The following LRPAP1 variants were observed in gnomAD, a reference collection of about 807,000 sequenced individuals.
LRPAP1 encodes the protein alpha-2-macroglobulin receptor-associated protein.
In LRPAP1, 41 loss-of-function variants were observed where a neutral mutation model predicts 39.9. That is an observed-to-expected ratio of 1.03 (90% CI 0.80 to 1.33). LRPAP1 has a LOEUF of 1.33. LRPAP1 is among the 40% of genes most tolerant of loss of function. The pLI, the probability that LRPAP1 is intolerant of heterozygous loss-of-function variation, is 0.00. For synonymous variants in LRPAP1, 263 were observed against 212.7 expected (o/e 1.24, Z -2.06); for missense variants, 565 against 482.3 (o/e 1.17, Z -1.61).
rs2108684405 is a variant in LRPAP1 at position 3,508,423 on chromosome 4, A to C, written c.*4551T>G. 6.6e-6 allele frequency: 1 copy of C among 152,324 alleles called. No individual in the cohort carries two copies. The highest frequency in any genetic ancestry group is 2.1e-4 in the South Asian group (1 of 4,810). The allele number at this position is 152,324 out of a possible 1,614,324, so 9.4% of individuals were successfully genotyped here. A position where few individuals can be genotyped will look rare whatever the true frequency, so the allele number is the denominator to read the frequency against. On this transcript the variant is annotated 3_prime_UTR_variant, in exon 8 of 8. Transcript: ENST00000650182. ...GAAACAAATAATGCCAATCCTATAC[A>C]AACTATGGCAGAACTTGTTTCAGGA...
intron 2 of LRPAP1, among the ~76,000 whole-genome samples, chr4:3,524,140 C>T (rs1171294385): frequency 6.6e-6 from 1 of 152,214 alleles, no homozygotes; most frequent in Non-Finnish European, 1.5e-5. Flanking sequence ...GGTGTGCGTC[C>T]TCTGCCCGCC....
chr4:3,511,449 G>A lies in LRPAP1; in HGVS notation c.*1525C>T, dbSNP rs751322928. 1.3e-5 allele frequency: 2 copies of A among 152,062 alleles called. No individual in the cohort carries two copies. The highest frequency in any genetic ancestry group is 2.9e-5 in the Non-Finnish European group (2 of 68,056). 9.4% of individuals were successfully genotyped at this position (152,062 alleles called of 1,614,324 possible). A position where few individuals can be genotyped will look rare whatever the true frequency, so the allele number is the denominator to read the frequency against. Reference sequence around the variant, plus strand: ...CTCACCAACACACTGAGTACCTTAAGGCTCTCAGGATAATGGGAAAAAAAA... The same window carrying A: ...CTCACCAACACACTGAGTACCTTAAAGCTCTCAGGATAATGGGAAAAAAAA... On this transcript the variant is annotated 3_prime_UTR_variant, in exon 8 of 8. Transcript: ENST00000650182.
Position 3,505,767 on chromosome 4 carries a change from C to G in LRPAP1, c.*7207G>C, listed in dbSNP as rs1729335724. ...ACCCCAAGACCGTCTATACCACCAC[C>G]CTGGATTACAACTCGGCAAGATGCT... On this transcript the variant is annotated 3_prime_UTR_variant, in exon 8 of 8. Transcript: ENST00000650182. Among the ~76,000 whole-genome samples, 1 of 152,250 alleles carries G rather than the reference C, an allele frequency of 6.6e-6. No individual in the cohort carries two copies.
At position 3,519,563 on chromosome 4, in the gene LRPAP1, G is replaced by C. The variant is rs1439609164; in HGVS notation, c.471+509C>G. Among the ~76,000 whole-genome samples, 3 of 152,332 alleles carry C rather than the reference G, an allele frequency of 2.0e-5. No homozygotes were observed. The East Asian group carries it at 5.8e-4, about 29-fold the overall frequency. On this transcript the variant is annotated intron_variant, in intron 3 of 7. Transcript: ENST00000650182. Reference sequence around the variant, plus strand: ...AATGTGATCCAGAGAAACTGTTCTGGAGCAGGAGCCGCTGGAAATGGGGGA... The same window carrying C: ...AATGTGATCCAGAGAAACTGTTCTGCAGCAGGAGCCGCTGGAAATGGGGGA...
At position 3,507,731 on chromosome 4, in the gene LRPAP1, A is replaced by G. The variant is rs1729395206; in HGVS notation, c.*5243T>C. ...AAAGGAAATTCATAAGAAAAGAGCAAAAGTCAATGAAAAAGAAAACAATAG... is the reference window on the plus strand; with the variant it reads ...AAAGGAAATTCATAAGAAAAGAGCAGAAGTCAATGAAAAAGAAAACAATAG... On this transcript the variant is annotated 3_prime_UTR_variant, in exon 8 of 8. Transcript: ENST00000650182. 6.6e-6 allele frequency: 1 copy of G among 151,612 alleles called. No homozygotes were observed. The highest frequency in any genetic ancestry group is 2.4e-5 in the African/African-American group (1 of 41,352). The allele number at this position is 151,612 out of a possible 1,614,324, so 9.4% of individuals were successfully genotyped here.
In LRPAP1 at chr4:3,510,274, T is replaced by A. The variant is rs992881581; in HGVS notation, c.*2700A>T. The stretch of plus-strand genomic sequence containing the variant: ...TAAAACCCCGTCTCTACAAAAAAAA[T>A]AAAAATAAAAAAAATAAAATCAGCC... On this transcript the variant is annotated 3_prime_UTR_variant, in exon 8 of 8. Transcript: ENST00000650182. 1.3e-5 allele frequency: 2 copies of A among 151,588 alleles called. No homozygotes were observed. The highest frequency in any genetic ancestry group is 1.9e-4 in the East Asian group (1 of 5,178). The allele number at this position is 151,588 out of a possible 1,614,324, so 9.4% of individuals were successfully genotyped here.
rs879549014 is a variant in LRPAP1, at chr4:3,513,207, C to G, written c.1012-171G>C. On this transcript the variant is annotated intron_variant, in intron 7 of 7. Coordinates refer to ENST00000650182, the MANE Select transcript of LRPAP1 (RefSeq NM_002337.4). ...AAATGCTCAAATCACAAAAGCAGCT[C>G]AGTACTAACTAGAAAATCCCACCAA... 1.6e-3 allele frequency among the ~76,000 whole-genome samples: 249 copies of G among 152,350 alleles called. 1 individual carries two copies. The highest frequency in any genetic ancestry group is 1.3e-3 in the Non-Finnish European group (88 of 68,036).
chr4:3,515,030 C>G (rs1404929859), intron 6 of LRPAP1, 102 bp from the exon 7 acceptor site: 9 of 1,351,940 alleles, frequency 6.7e-6, no homozygotes, highest in South Asian at 3.9e-5. Context: ...GGCGCCATAC[C>G]CGGGGCAGGA....
Position 3,520,108 on chromosome 4 carries a change from C to G in LRPAP1, c.435G>C (p.Gly145=), listed in dbSNP as rs147013302. ...SNSLSGTQED[G]LDDPRLEKLW... ...GCTTTTCCAGCCTGGGGTCATCCAG[C>G]CCGTCTTCCTGGGTGCCACTGAGGG... The change falls in exon 3 of 8, where the codon GGG becomes GGC. Residue 145 remains glycine (G), a synonymous_variant. Transcript: ENST00000650182. 1.2e-6 allele frequency: 2 copies of G among 1,614,180 alleles called. No individual in the cohort carries two copies. The highest frequency in any genetic ancestry group is 1.7e-5 in the Admixed American group (1 of 60,022).
At chr4:3,518,494 CCCT>C (rs1158292359) in intron 4 of LRPAP1, among the ~76,000 whole-genome samples, 3 of 152,200 alleles carry the variant, frequency 2.0e-5, no homozygotes, top group Admixed American at 1.3e-4. Context: ...TGCTGGGTCA[CCCT>C]CCATTTTACT....
intron 2 of LRPAP1, among the ~76,000 whole-genome samples, chr4:3,523,512 G>A (rs2237009): frequency 6.6e-6 from 1 of 152,022 alleles, no homozygotes; most frequent in Non-Finnish European, 1.5e-5. Context: ...CTGCCAATGG[G>A]AGAAGAGGGG....
intron 2 of LRPAP1, among the ~76,000 whole-genome samples, chr4:3,524,677 A>G (rs1730024394): frequency 6.6e-6 from 1 of 152,142 alleles, no homozygotes; most frequent in Non-Finnish European, 1.5e-5. Flanking sequence ...TAGCCCCCCC[A>G]AACACTGAAG....
intron 7 of LRPAP1, among the ~76,000 whole-genome samples, chr4:3,514,155 C>T (rs993917056): frequency 1.3e-5 from 2 of 152,268 alleles, no homozygotes; most frequent in African/African-American, 4.8e-5. Context: ...ACCCGCACCA[C>T]CCTCTCCTAT....
rs1422895012 is a variant in LRPAP1 at position 3,506,419 on chromosome 4, C to A, written c.*6555G>T. On this transcript the variant is annotated 3_prime_UTR_variant, in exon 8 of 8. Transcript: ENST00000650182. ...GCGAAGTCTTGCTCTTGTCCCCAGG[C>A]CGGAGTGCAATGGCGCGATCTCGGC... 6.6e-6 allele frequency: 1 copy of A among 151,066 alleles called. No individual in the cohort carries two copies. The highest frequency in any genetic ancestry group is 1.9e-4 in the East Asian group (1 of 5,150). 9.4% of individuals were successfully genotyped at this position (151,066 alleles called of 1,614,324 possible). A position where few individuals can be genotyped will look rare whatever the true frequency, so the allele number is the denominator to read the frequency against.
At chr4:3,516,059 T>G in intron 6 of LRPAP1, 57 bp downstream of exon 6, 1 of 1,503,520 alleles carries the variant, frequency 6.7e-7, no homozygotes, top group Admixed American at 2.0e-5. Flanking sequence ...ACCCGGAAAC[T>G]GCAAGAGAAT....
Position 3,518,051 on chromosome 4 carries a change from C to A in LRPAP1, c.734G>T (p.Gly245Val). The A allele has an allele frequency of 1.9e-6, 3 of 1,610,492 alleles. No homozygotes were observed. The highest frequency in any genetic ancestry group is 2.5e-6 in the Non-Finnish European group (3 of 1,179,432). ...GCACTCACCAGCCTCAGTGCTGTAG[C>A]CCTGGTGGCTGACCCTGCGCAGGCG... ...LDRLRRVSHQ[G>V]YSTEAEFEEP... The change falls in exon 5 of 8, where the codon GGC becomes GTC. Residue 245 changes from glycine (G) to valine (V), a missense_variant. By Grantham distance (109) the Gly-to-Val change is moderately radical (BLOSUM62 -3). Coordinates refer to ENST00000650182, the MANE Select transcript of LRPAP1 (RefSeq NM_002337.4).
chr4:3,526,776 G>A (rs1730090775), intron 1 of LRPAP1, among the ~76,000 whole-genome samples: 1 of 152,168 alleles, frequency 6.6e-6, no homozygotes, highest in Non-Finnish European at 1.5e-5. Context: ...GTCTGTGTTG[G>A]GCCTGGGAGG....
rs774107204 is a variant in LRPAP1, at chr4:3,518,953, G to C, written c.510C>G (p.Asp170Glu). 6.2e-7 allele frequency: 1 copy of C among 1,614,082 alleles called. No individual in the cohort carries two copies. The part of the protein sequence containing the change: ...TSGKFSGEEL[D>E]KLWREFLHHK... ...GATGCAGGAACTCCCGCCAGAGCTT[G>C]TCCAGTTCTTCGCCGGAGAATTTCC... The change falls in exon 4 of 8, where the codon GAC becomes GAG. Residue 170 changes from aspartate to glutamate, a missense_variant. By Grantham distance (45) the Asp-to-Glu change is conservative. Transcript: ENST00000650182.
chr4:3,505,817 C>A lies in LRPAP1; in HGVS notation c.*7157G>T, dbSNP rs776943631. The stretch of plus-strand genomic sequence containing the variant: ...TGGGGAGGTTTCTGTTAGGGTGGAG[C>A]TGGAAGCCATCAAGTTCCTGGGTAG... On this transcript the variant is annotated 3_prime_UTR_variant, in exon 8 of 8. Coordinates refer to ENST00000650182, the MANE Select transcript of LRPAP1 (RefSeq NM_002337.4). 3.3e-5 allele frequency among the ~76,000 whole-genome samples: 5 copies of A among 152,194 alleles called. No individual in the cohort carries two copies. The highest frequency in any genetic ancestry group is 1.2e-4 in the African/African-American group (5 of 41,442).
Sources: gnomAD v4.1 joint callset for allele counts (sites outside exome capture counted in the v4.1 genomes callset) on GRCh38, gnomAD v4.1.1 for gene constraint, MANE v1.5 for transcripts, NCBI Gene and HGNC (gene_info 2026-07-23, HGNC 2026-07-21) for gene names.